ZNF83: variants seen among roughly 807,000 people sequenced by gnomAD.
The protein encoded by ZNF83 is zinc finger protein 83.
For synonymous variants in ZNF83, 209 were observed against 213.0 expected, an observed-to-expected ratio of 0.98 and a Z score of 0.17; for missense variants, 552 against 629.9, an observed-to-expected ratio of 0.88 and a Z score of 1.32.
chr19:52,659,461 G>A (rs1462920015), intron 2 of ZNF83, among the ~76,000 whole-genome samples: 1 of 152,092 alleles, frequency 6.6e-6, no homozygotes, highest in Non-Finnish European at 1.5e-5. Context: ...TAAGGCTACT[G>A]GTCGGAAACA....
At chr19:52,667,731 G>C (rs1224827426) in intron 1 of ZNF83, among the ~76,000 whole-genome samples, 1 of 152,116 alleles carries the variant, frequency 6.6e-6, no homozygotes, top group Non-Finnish European at 1.5e-5. Context: ...TTTTCTTAAA[G>C]CACTAACATG....
intron 1 of ZNF83, among the ~76,000 whole-genome samples, chr19:52,664,299 C>A (rs1485892440): frequency 6.6e-6 from 1 of 151,648 alleles, no homozygotes; most frequent in Admixed American, 6.6e-5. Context: ...AGTTCGAGAC[C>A]AGCCTGGGCA....
intron 1 of ZNF83, among the ~76,000 whole-genome samples, chr19:52,665,046 C>G (rs555833082): frequency 6.6e-6 from 1 of 152,194 alleles, no homozygotes; most frequent in African/African-American, 2.4e-5. Context: ...AACTAGAATG[C>G]GAAATGCAAA....
intron 1 of ZNF83, among the ~76,000 whole-genome samples, chr19:52,689,888 G>A (rs79550882): frequency 4.6e-5 from 7 of 152,198 alleles, no homozygotes; most frequent in South Asian, 2.1e-4. Context: ...GACAGGCCCC[G>A]GGCACCTCCC....
intron 3 of ZNF83, among the ~76,000 whole-genome samples, chr19:52,643,769 G>A (rs796944043): frequency 1.1e-4 from 16 of 152,314 alleles, no homozygotes; most frequent in African/African-American, 3.8e-4. Context: ...TTCAGATGGG[G>A]GTGGGAGGGC....
upstream of ZNF83, among the ~76,000 whole-genome samples, chr19:52,643,178 C>T (rs1479954053): frequency 1.3e-5 from 2 of 151,218 alleles, no homozygotes; most frequent in East Asian, 3.9e-4. Context: ...CTCAAAAATA[C>T]AATAAACTAA....
rs182535868 is a variant in ZNF83 at position 52,673,257 on chromosome 19, G to C, written c.-282-12414C>G. ...CACAGTGGCTCATGCTTGAATCCCA[G>C]CACTTTGGGAGCCAAGATGGGTGGA... On this transcript the variant is annotated intron_variant, in intron 1 of 5. Coordinates refer to the ZNF83 transcript ENST00000594682. Among the ~76,000 whole-genome samples the C allele has an allele frequency of 2.7e-3, 404 of 152,238 alleles. 3 individuals are homozygous for C. Among genetic ancestry groups the C allele is most frequent in the Non-Finnish European group, 4.0e-3 (274 of 68,008 alleles).
intron 2 of ZNF83, chr19:52,660,716 A>G (rs2061568658): frequency 5.4e-6 from 1 of 186,546 alleles, no homozygotes; most frequent in Admixed American, 5.3e-5. Flanking sequence ...AATACCTGGT[A>G]TATCAGAAAA....
Position 52,658,423 on chromosome 19 carries a change from A to G in ZNF83, c.-201+2339T>C, listed in dbSNP as rs139318994. On this transcript the variant is annotated intron_variant, in intron 2 of 5. Coordinates refer to the ZNF83 transcript ENST00000594682. ...TCTACCAAAAATACAACAATTAGCC[A>G]GGTGTGGTGGTGCGCACCTGTAACC... Among the ~76,000 whole-genome samples the G allele has an allele frequency of 1.5e-3, 222 of 152,238 alleles. 1 individual carries two copies. The highest frequency in any genetic ancestry group is 5.1e-3 in the African/African-American group (211 of 41,546).
chr19:52,624,290 C>A (rs2060656203), intron 2 of ZNF83, among the ~76,000 whole-genome samples: 1 of 151,332 alleles, frequency 6.6e-6, no homozygotes, highest in African/African-American at 2.4e-5. Flanking sequence ...GTATCCCCCA[C>A]CAAAGCTCAA....
intron 2 of ZNF83, among the ~76,000 whole-genome samples, chr19:52,630,027 C>T (rs1376966363): frequency 3.3e-5 from 5 of 152,208 alleles, no homozygotes; most frequent in Admixed American, 2.0e-4. Flanking sequence ...TCCAGAACCT[C>T]CTCCCCCAGG....
At chr19:52,651,975 T>C (rs2061447602) in intron 3 of ZNF83, 3 of 187,462 alleles carry the variant, frequency 1.6e-5, no homozygotes, top group Admixed American at 6.3e-5. Context: ...TCAATTAAAG[T>C]TTGTCATTTT....
At chr19:52,648,866 G>A (rs962768999) in intron 3 of ZNF83, among the ~76,000 whole-genome samples, 1 of 152,144 alleles carries the variant, frequency 6.6e-6, no homozygotes, top group Non-Finnish European at 1.5e-5. Context: ...AACAAGCCCT[G>A]TTCTAGTCAC....
chr19:52,676,349 C>A (rs951103591), intron 1 of ZNF83, among the ~76,000 whole-genome samples: 3 of 152,170 alleles, frequency 2.0e-5, no homozygotes, highest in African/African-American at 7.2e-5. Flanking sequence ...ACCTCCCAGC[C>A]GCCTGCCTTG....
At chr19:52,612,944 A>G (rs1026396662) in exon 3 of ZNF83, 31 of 1,345,928 alleles carry the variant, frequency 2.3e-5, no homozygotes, top group Non-Finnish European at 2.8e-5. Context: ...TTATACTTGC[A>G]AAGTTTTTCT....
At chr19:52,614,685 A>T in exon 3 of ZNF83, 1 of 1,361,622 alleles carries the variant, frequency 7.3e-7, no homozygotes, top group Non-Finnish European at 9.5e-7. Flanking sequence ...TGAAGCAAAA[A>T]TCTTGTATGT....
At chr19:52,613,545 A>G (rs747313426) in exon 3 of ZNF83, 1 of 1,614,104 alleles carries the variant, frequency 6.2e-7, no homozygotes, top group Non-Finnish European at 8.5e-7. Context: ...GTTTCTCTCC[A>G]GTGTGGATTC....
intron 1 of ZNF83, 133 bp from the exon 2 acceptor site, chr19:52,635,286 T>A (rs1262454381): frequency 1.3e-5 from 6 of 453,398 alleles, no homozygotes; most frequent in African/African-American, 2.0e-5. Context: ...CCAGAGACGA[T>A]AAACTCCTAC....
chr19:52,668,750 T>C (rs1462473019), intron 1 of ZNF83, among the ~76,000 whole-genome samples: 1 of 152,244 alleles, frequency 6.6e-6, no homozygotes, highest in South Asian at 2.1e-4. Flanking sequence ...GCAATTGTTA[T>C]GCTTGTGCAC....
Sources: allele counts gnomAD v4.1 joint callset (sites outside exome capture counted in the v4.1 genomes callset), GRCh38; gene constraint gnomAD v4.1.1; transcripts MANE v1.5; gene names NCBI Gene and HGNC (gene_info 2026-07-23, HGNC 2026-07-21).